FANCA: variants seen among roughly 807,000 people sequenced by gnomAD.
The protein encoded by FANCA is Fanconi anemia group A protein.
A neutral mutation model predicts 194.3 loss-of-function variants in FANCA; 236 were observed. The observed-to-expected ratio is 1.21, with a 90% CI of 1.09 to 1.35. FANCA has a LOEUF of 1.35. Among genes scored for constraint, FANCA ranks in the 40% most tolerant of loss-of-function variants. The probability of loss-of-function intolerance (pLI) is 0.00; values close to 1 mark genes in which losing one functional copy is unlikely to be tolerated. For synonymous variants in FANCA, 1,014 were observed against 715.8 expected, an observed-to-expected ratio of 1.42 and a Z score of -6.65; for missense variants, 2,628 against 1,813.9, an observed-to-expected ratio of 1.45 and a Z score of -8.15.
intron 17 of FANCA, among the ~76,000 whole-genome samples, chr16:89,781,225 G>A (rs1011754493): frequency 1.7e-4 from 26 of 151,454 alleles, no homozygotes; most frequent in East Asian, 9.7e-4. Context: ...TTAGCCTGAC[G>A]TGGTGGCGGG....
At chr16:89,791,183 G>A (rs529234411) in intron 14 of FANCA, 2 of 616,016 alleles carry the variant, frequency 3.2e-6, no homozygotes, top group East Asian at 2.8e-5. Flanking sequence ...GGAGAACCCA[G>A]GCTCCTCGGA....
At chr16:89,810,429 A>C (rs2040831912) in intron 5 of FANCA, 1 of 397,840 alleles carries the variant, frequency 2.5e-6, no homozygotes, top group African/African-American at 2.0e-5. Flanking sequence ...ACCCTGGAAA[A>C]TTCTCCATAC....
Position 89,737,552 on chromosome 16 carries a change from A to T in FANCA, c.*1049T>A. The T allele has an allele frequency of 1.8e-6, 1 of 549,152 alleles. No homozygotes were observed. The highest frequency in any genetic ancestry group is 3.0e-6 in the Non-Finnish European group (1 of 333,602). The allele number at this position is 549,152 out of a possible 1,614,324, so 34.0% of individuals were successfully genotyped here. ...AAAAAAAGACAAGAATCTGTGGTTA[A>T]GGAAATAGCTTTCTGAGGTTTCTTT... On this transcript the variant is annotated 3_prime_UTR_variant, in exon 43 of 43. Coordinates refer to ENST00000389301, the MANE Select transcript of FANCA (RefSeq NM_000135.4).
intron 22 of FANCA, 46 bp from the exon 23 acceptor site, chr16:89,771,860 A>AG: frequency 6.2e-7 from 1 of 1,611,476 alleles, no homozygotes; most frequent in Admixed American, 1.7e-5. Context: ...CCCCGAAAGG[A>AG]GGGATACAGC....
intron 22 of FANCA, among the ~76,000 whole-genome samples, chr16:89,772,573 T>C (rs372022757): frequency 1.3e-5 from 2 of 152,072 alleles, no homozygotes; most frequent in African/African-American, 4.8e-5. Flanking sequence ...TCCCAGCACT[T>C]TGGGAGGCCA....
chr16:89,750,135 G>C (rs1047570668), intron 31 of FANCA, among the ~76,000 whole-genome samples: 3 of 152,208 alleles, frequency 2.0e-5, no homozygotes, highest in Non-Finnish European at 4.4e-5. Context: ...GGCCGAGGCA[G>C]GCAGATTCCT....
rs374973869 is a variant in FANCA, at chr16:89,748,647, C to T, written c.3348+12G>A. The T allele has an allele frequency of 1.0e-4, 163 of 1,605,088 alleles. No homozygotes were observed. Among genetic ancestry groups the T allele is most frequent in the Middle Eastern group, 3.3e-4 (2 of 6,038 alleles). The stretch of plus-strand genomic sequence containing the variant: ...GACAGATCGGACGGACACGTGCACA[C>T]GGGGCACCTACCATCTCAGAGTTGA... On this transcript the variant is annotated intron_variant, in intron 33 of 42. Transcript: ENST00000389301.
intron 28 of FANCA, among the ~76,000 whole-genome samples, chr16:89,764,406 G>A (rs1164578062): frequency 6.6e-6 from 1 of 152,076 alleles, no homozygotes; most frequent in East Asian, 1.9e-4. Flanking sequence ...CTGGGCTCAA[G>A]TGATTTCTCT....
chr16:89,740,202 A>G, intron 38 of FANCA, 103 bp from the exon 39 acceptor site: 1 of 948,308 alleles, frequency 1.1e-6, no homozygotes, highest in Non-Finnish European at 1.7e-6. Flanking sequence ...CTCTTTGCTT[A>G]TTGTAAGTCT....
chr16:89,758,954 C>T (rs1459967183), intron 29 of FANCA, among the ~76,000 whole-genome samples: 1 of 152,084 alleles, frequency 6.6e-6, no homozygotes, highest in East Asian at 1.9e-4. Context: ...AAAGGCCACT[C>T]AGGATGACAT....
At chr16:89,745,237 A>C (rs1436107956) in intron 35 of FANCA, among the ~76,000 whole-genome samples, 166 bp from the exon 36 acceptor site, 1 of 152,246 alleles carries the variant, frequency 6.6e-6, no homozygotes, top group Non-Finnish European at 1.5e-5. Flanking sequence ...TTAAGGCTCA[A>C]AGCAGTTCCA....
chr16:89,780,680 G>A (rs571566380), intron 17 of FANCA, among the ~76,000 whole-genome samples: 7 of 151,408 alleles, frequency 4.6e-5, no homozygotes, highest in African/African-American at 1.7e-4. Flanking sequence ...TGTAATCCCA[G>A]CATTTTGGGG....
intron 24 of FANCA, 91 bp downstream of exon 24, chr16:89,770,473 G>A (rs1051652077): frequency 2.9e-5 from 37 of 1,266,016 alleles, no homozygotes; most frequent in African/African-American, 1.8e-4. Context: ...CTGCGGAGAC[G>A]AGCTCATGAG....
intron 17 of FANCA, among the ~76,000 whole-genome samples, chr16:89,782,156 A>C (rs1370607242): frequency 6.6e-6 from 1 of 151,976 alleles, no homozygotes; most frequent in East Asian, 1.9e-4. Context: ...CGGGCAGATC[A>C]CGAGGTCAAG....
chr16:89,765,223 A>AC (rs1190556600), intron 27 of FANCA, among the ~76,000 whole-genome samples, 157 bp from the exon 28 acceptor site: 9 of 151,280 alleles, frequency 5.9e-5, no homozygotes, highest in African/African-American at 2.2e-4. Context: ...GCAATACACG[A>AC]CCCCACGTTC....
chr16:89,738,913 C>T lies in FANCA; in HGVS notation c.4229G>A (p.Cys1410Tyr), dbSNP rs765683250. 4 of 1,614,140 alleles carry T rather than the reference C, an allele frequency of 2.5e-6. No individual in the cohort carries two copies. The highest frequency in any genetic ancestry group is 2.7e-5 in the African/African-American group (2 of 74,952). ...CACGTGTGAGAAGCTCTTTTTCGGG[C>T]ACCGAGGTATTAACTGCAGCAGAAA... ...RLFLLQLIPR[C>Y]PKKSFSHVAE... The change falls in exon 42 of 43, where the codon TGC becomes TAC. Residue 1410 changes from cysteine (C) to tyrosine (Y), a missense_variant. Physicochemically the swap from Cys to Tyr is radical, Grantham distance 194. Coordinates refer to ENST00000389301, the MANE Select transcript of FANCA (RefSeq NM_000135.4).
At chr16:89,764,797 G>A (rs768991801) in intron 28 of FANCA, 93 bp downstream of exon 28, 59 of 1,429,278 alleles carry the variant, frequency 4.1e-5, no homozygotes, top group Admixed American at 1.7e-4. Context: ...GGGAAGGAAC[G>A]GTCACCTACG....
intron 20 of FANCA, among the ~76,000 whole-genome samples, chr16:89,776,817 C>T (rs1399584451): frequency 2.0e-5 from 3 of 151,696 alleles, no homozygotes; most frequent in South Asian, 4.2e-4. Flanking sequence ...GCTGACAAAC[C>T]GAGACTCCGA....
intron 14 of FANCA, among the ~76,000 whole-genome samples, chr16:89,786,255 C>T (rs1243348892): frequency 1.3e-5 from 2 of 152,138 alleles, no homozygotes; most frequent in Non-Finnish European, 2.9e-5. Flanking sequence ...GTAATCTCGG[C>T]TTACCGTAAC....
Sources: allele counts gnomAD v4.1 joint callset (sites outside exome capture counted in the v4.1 genomes callset), GRCh38; gene constraint gnomAD v4.1.1; transcripts MANE v1.5; gene names NCBI Gene and HGNC (gene_info 2026-07-23, HGNC 2026-07-21).